Variants in DYTN observed in about 807,000 individuals in gnomAD.
The protein encoded by DYTN is dystrotelin.
In DYTN, 75 loss-of-function variants were observed where a neutral mutation model predicts 69.6. That is an observed-to-expected ratio of 1.08 (90% CI 0.89 to 1.31). The LOEUF is 1.31. Among genes scored for constraint, DYTN ranks in the 50% most tolerant of loss-of-function variants. DYTN has a pLI of 0.00. For missense variants in DYTN, 726 were observed against 688.4 expected (o/e 1.05, Z -0.61); for synonymous variants, 252 against 249.1 (o/e 1.01, Z -0.11).
In DYTN at chr2:206,707,441, G is replaced by T. The variant is rs780839376; in HGVS notation, c.157C>A (p.Arg53Ser). 6.2e-7 allele frequency: 1 copy of T among 1,612,886 alleles called. No individual in the cohort carries two copies. Residue 53 changes from arginine to serine, a missense_variant, in exon 3 of 12, where the codon CGC (arginine) becomes AGC (serine). By Grantham distance (110) the Arg-to-Ser change is moderately radical. Coordinates refer to ENST00000452335, the MANE Select transcript of DYTN (RefSeq NM_001093730.1). ...VLLRPSFWEA[R>S]KHSLSVQQLS... ...TGCTGCACAGAAAGGGAGTGCTTGC[G>T]AGCTTCCCAGAAACTTGGACGCAGT... is the stretch of plus-strand genomic sequence containing the variant.
intron 9 of DYTN, among the ~76,000 whole-genome samples, chr2:206,682,097 A>C (rs1699756561): frequency 6.6e-6 from 1 of 152,084 alleles, no homozygotes; most frequent in Non-Finnish European, 1.5e-5. Context: ...TTCCTGGTTT[A>C]GTCTTGGGAA....
Position 206,702,783 on chromosome 2 carries a change from T to C in DYTN, c.483+2060A>G, listed in dbSNP as rs571215623. On this transcript the variant is annotated intron_variant, in intron 5 of 11. Coordinates refer to ENST00000452335, the MANE Select transcript of DYTN (RefSeq NM_001093730.1). ...CACTAGTACAAAGAAAATTCACTTC[T>C]GTAGTGGGTTTTCAACCTACATTTT... 3.4e-4 allele frequency among the ~76,000 whole-genome samples: 52 copies of C among 152,328 alleles called. 1 individual carries two copies. The highest frequency in any genetic ancestry group is 1.1e-3 in the African/African-American group (47 of 41,584).
chr2:206,704,837 AT>A lies in DYTN; in HGVS notation c.483+5del. On this transcript the variant is annotated splice_donor_5th_base_variant and intron_variant, in intron 5 of 11. Transcript: ENST00000452335. ...AATGTACAGTTCTTAAGTATTAGGAATTTACCTGCTGTAGATCTGTTAGTAG... is the reference window on the plus strand; with the variant it reads ...AATGTACAGTTCTTAAGTATTAGGAATTACCTGCTGTAGATCTGTTAGTAG... 6.2e-7 allele frequency: 1 copy of A among 1,611,796 alleles called. No homozygotes were observed. Among genetic ancestry groups the A allele is most frequent in the Non-Finnish European group, 8.5e-7 (1 of 1,178,726 alleles).
intron 11 of DYTN, among the ~76,000 whole-genome samples, chr2:206,658,984 C>CTTTTTT (rs35131832): frequency 7.1e-6 from 1 of 140,086 alleles, no homozygotes; most frequent in South Asian, 2.2e-4. Flanking sequence ...AACAAGAGGA[C>CTTTTTT]TTTTTTTTTT....
chr2:206,676,924 TA>T (rs147693382), intron 9 of DYTN, among the ~76,000 whole-genome samples: 3 of 151,836 alleles, frequency 2.0e-5, no homozygotes, highest in East Asian at 3.9e-4. Context: ...TTCTTTTTCT[TA>T]AAAAAAACTG....
intron 4 of DYTN, 44 bp from the exon 5 acceptor site, chr2:206,704,987 T>C (rs552489709): frequency 2.0e-6 from 3 of 1,494,482 alleles, no homozygotes; most frequent in Middle Eastern, 1.7e-4. Context: ...ATACTTGCAA[T>C]GTATCTTTGA....
rs921526751 is a variant in DYTN, at chr2:206,712,914, A to AT, written c.20-2317dup. Among the ~76,000 whole-genome samples, 63 of 152,206 alleles carry AT rather than the reference A, an allele frequency of 4.1e-4. 1 individual carries two copies. The highest frequency in any genetic ancestry group is 2.4e-3 in the Admixed American group (36 of 15,300). ...TGGTTCAAGTTATCAGGGAAGCAGA[A>AT]TTTTTTTTCTCGACTTGAATTTGGA... is the stretch of plus-strand genomic sequence containing the variant. On this transcript the variant is annotated intron_variant, in intron 1 of 11. Coordinates refer to ENST00000452335, the MANE Select transcript of DYTN (RefSeq NM_001093730.1).
chr2:206,713,844 T>G (rs1237458797), intron 1 of DYTN, among the ~76,000 whole-genome samples: 1 of 152,084 alleles, frequency 6.6e-6, no homozygotes, highest in Non-Finnish European at 1.5e-5. Flanking sequence ...GAGGAAGAAG[T>G]CTTGAGGAAA....
chr2:206,655,451 C>A (rs557298609), intron 11 of DYTN, among the ~76,000 whole-genome samples: 23 of 152,014 alleles, frequency 1.5e-4, no homozygotes, highest in South Asian at 4.2e-4. Context: ...GCTCTGTCAC[C>A]CAGGCTGGAG....
At chr2:206,659,875 A>C (rs2105887195) in intron 11 of DYTN, among the ~76,000 whole-genome samples, 1 of 152,288 alleles carries the variant, frequency 6.6e-6, no homozygotes, top group East Asian at 1.9e-4. Flanking sequence ...CTCATGTTTA[A>C]ATGCCTTAAG....
At chr2:206,653,681 G>A (rs1424807097) in intron 11 of DYTN, among the ~76,000 whole-genome samples, 1 of 152,198 alleles carries the variant, frequency 6.6e-6, no homozygotes, top group Non-Finnish European at 1.5e-5. Context: ...AAGCCAATAT[G>A]TATTGAATAG....
intron 9 of DYTN, among the ~76,000 whole-genome samples, chr2:206,681,085 T>G (rs1699745826): frequency 6.6e-6 from 1 of 152,202 alleles, no homozygotes; most frequent in Admixed American, 6.5e-5. Context: ...AAGAGGTCCT[T>G]CACATCCCTT....
At chr2:206,715,802 T>C (rs1020625855) in intron 1 of DYTN, among the ~76,000 whole-genome samples, 25 of 151,958 alleles carry the variant, frequency 1.6e-4, no homozygotes, top group Non-Finnish European at 3.4e-4. Flanking sequence ...AGAAAGTGGC[T>C]GTGGTGGCCG....
chr2:206,662,996 T>TACTA lies in DYTN; in HGVS notation c.1539_1540insTAGT (p.Asn514Ter). On this transcript the variant is annotated stop_gained and frameshift_variant, in exon 11 of 12. Coordinates refer to ENST00000452335, the MANE Select transcript of DYTN (RefSeq NM_001093730.1). LOFTEE classifies it high-confidence loss of function. The stretch of plus-strand genomic sequence containing the variant: ...AGCTCATCCTTTCTCTCCTTGATGT[T>TACTA]ACCTGCCTCTTTCTTTTCCACGGCT... 6.2e-7 allele frequency: 1 copy of TACTA among 1,613,884 alleles called. No individual in the cohort carries two copies. Among genetic ancestry groups the TACTA allele is most frequent in the Non-Finnish European group, 8.5e-7 (1 of 1,179,888 alleles).
At chr2:206,672,994 G>A (rs1039684487) in intron 9 of DYTN, among the ~76,000 whole-genome samples, 1 of 152,158 alleles carries the variant, frequency 6.6e-6, no homozygotes, top group Non-Finnish European at 1.5e-5. Flanking sequence ...GTAAATGTGT[G>A]TCATGGGGGT....
rs538915208 is a variant in DYTN at position 206,691,386 on chromosome 2, C to A, written c.980+1789G>T. Among the ~76,000 whole-genome samples the A allele has an allele frequency of 2.6e-5, 4 of 152,142 alleles. No homozygotes were observed. In the East Asian group the frequency reaches 7.7e-4, roughly 29 times the overall value. On this transcript the variant is annotated intron_variant, in intron 9 of 11. Transcript: ENST00000452335. ...CGAGATGGTGCCACTACACTCCAAC[C>A]TGAGCATCACAGCAAGACTCCATCT...
intron 9 of DYTN, among the ~76,000 whole-genome samples, chr2:206,691,612 C>T (rs1699863710): frequency 6.6e-6 from 1 of 151,920 alleles, no homozygotes; most frequent in Non-Finnish European, 1.5e-5. Context: ...AATTTAAATT[C>T]TATGTGCAAT....
At chr2:206,700,326 G>T in intron 5 of DYTN, 110 bp from the exon 6 acceptor site, 1 of 1,179,940 alleles carries the variant, frequency 8.5e-7, no homozygotes, top group Admixed American at 1.8e-5. Context: ...CAAGTATTTG[G>T]TATCTGAGAC....
rs544461834 is a variant in DYTN at position 206,714,877 on chromosome 2, C to T, written c.19+3384G>A. 3.0e-4 allele frequency among the ~76,000 whole-genome samples: 46 copies of T among 152,232 alleles called. 1 individual carries two copies. Among genetic ancestry groups the T allele is most frequent in the African/African-American group, 1.1e-3 (44 of 41,532 alleles). On this transcript the variant is annotated intron_variant, in intron 1 of 11. Coordinates refer to ENST00000452335, the MANE Select transcript of DYTN (RefSeq NM_001093730.1). ...TTGACCAGTTAGTTGTTCAAGATAG[C>T]AGCCTTAGAGCTTTCTGTTTGTCTC...
Sources: allele counts gnomAD v4.1 joint callset (sites outside exome capture counted in the v4.1 genomes callset), GRCh38; gene constraint gnomAD v4.1.1; transcripts MANE v1.5; gene names NCBI Gene and HGNC (gene_info 2026-07-23, HGNC 2026-07-21).